SH3TC2: variants seen among roughly 807,000 people sequenced by gnomAD.
The protein encoded by SH3TC2 is SH3 domain and tetratricopeptide repeats 2, also known as SH3 domain and tetratricopeptide repeat-containing protein 2.
Under a neutral mutation model 124.5 loss-of-function variants are expected in SH3TC2, and 87 were observed. That is an observed-to-expected ratio of 0.70 (90% CI 0.59 to 0.84). The LOEUF is 0.84. Ranked by LOEUF, SH3TC2 falls within the 40% of genes least tolerant of loss-of-function variation. The pLI is 0.00. For missense variants in SH3TC2, 1,536 were observed against 1,566.4 expected (o/e 0.98, Z 0.33); for synonymous variants, 634 against 628.5 (o/e 1.01, Z -0.13).
intron 2 of SH3TC2, among the ~76,000 whole-genome samples, chr5:149,048,340 G>T (rs1042881815): frequency 1.3e-5 from 2 of 152,166 alleles, no homozygotes; most frequent in African/African-American, 4.8e-5. Context: ...AATGACTTGT[G>T]AAAGTTTAGA....
rs1260475188 is a variant in SH3TC2, at chr5:149,021,974, C to T, written c.3053+4598G>A. 1.6e-4 allele frequency among the ~76,000 whole-genome samples: 5 copies of T among 31,436 alleles called. 2 individuals carry two copies. Among genetic ancestry groups the T allele is most frequent in the Middle Eastern group, 0.019 (1 of 54 alleles). The allele number at this position is 31,436 out of a possible 152,430, so 20.6% of individuals were successfully genotyped here. A position where few individuals can be genotyped will look rare whatever the true frequency, so the allele number is the denominator to read the frequency against. On this transcript the variant is annotated intron_variant, in intron 12 of 16. Coordinates refer to ENST00000515425, the MANE Select transcript of SH3TC2 (RefSeq NM_024577.4). ...TGTCGCCCAGGCTGGAGTGCAGTGG[C>T]GGGATCTCGGCTCACTGCAAGCTCC...
chr5:149,028,027 C>A lies in SH3TC2; in HGVS notation c.1705G>T (p.Ala569Ser). 6.2e-7 allele frequency: 1 copy of A among 1,614,112 alleles called. No individual in the cohort carries two copies. Among genetic ancestry groups the A allele is most frequent in the Non-Finnish European group, 8.5e-7 (1 of 1,180,042 alleles). ...NGAFEDLSLV[A>S]TLYINLAAIY... The stretch of plus-strand genomic sequence containing the variant: ...GCAGCCAAATTGATGTACAGAGTGG[C>A]CACCAAGGATAGGTCCTCAAATGCT... Residue 569 changes from alanine (A) to serine (S), a missense_variant, in exon 11 of 17, where the codon GCC becomes TCC. By Grantham distance (99) the Ala-to-Ser change is moderately conservative. This residue lies in a region of SH3TC2 where 1,102 missense variants were observed against 1,098.6 expected (regional missense o/e 1.00). Transcript: ENST00000515425.
chr5:149,042,516 G>A lies in SH3TC2; in HGVS notation c.529+178C>T, dbSNP rs17795277. On this transcript the variant is annotated intron_variant, in intron 5 of 16. Transcript: ENST00000515425. ...GTGAGACTGACCAGCACAGCTGTTC[G>A]TGTAATGTCAGTGTTGAACTCAGAG... Among the ~76,000 whole-genome samples the A allele has an allele frequency of 0.13, 19,420 of 152,166 alleles. 1,509 individuals are homozygous for A. Among genetic ancestry groups the A allele is most frequent in the South Asian group, 0.27 (1,313 of 4,820 alleles).
intron 12 of SH3TC2, among the ~76,000 whole-genome samples, chr5:149,015,296 G>A (rs1049340438): frequency 1.3e-5 from 2 of 152,058 alleles, no homozygotes; most frequent in Admixed American, 1.3e-4. Context: ...GTCTAAAACT[G>A]GGCAGTAGTC....
rs1753595720 is a variant in SH3TC2 at position 149,001,441 on chromosome 5, G to C, written c.*3270C>G. The C allele has an allele frequency of 6.6e-6, 1 of 152,038 alleles. No individual in the cohort carries two copies. Among genetic ancestry groups the C allele is most frequent in the African/African-American group, 2.4e-5 (1 of 41,410 alleles). 9.4% of individuals were successfully genotyped at this position (152,038 alleles called of 1,614,324 possible). ...TTTGAGGGAACAATTAGAATAAAGA[G>C]GGTAACTAGATCATGTTTGGCTATG... is the stretch of plus-strand genomic sequence containing the variant. On this transcript the variant is annotated 3_prime_UTR_variant, in exon 17 of 17. Transcript: ENST00000515425.
intron 1 of SH3TC2, among the ~76,000 whole-genome samples, chr5:149,059,572 T>C (rs1754709627): frequency 6.6e-6 from 1 of 151,832 alleles, no homozygotes; most frequent in Non-Finnish European, 1.5e-5. Context: ...ACTTTCTCCT[T>C]GTTGGGACGA....
Position 148,992,599 on chromosome 5 carries a change from GGTT to G in SH3TC2, c.*12109_*12111del, listed in dbSNP as rs1365583993. Among the ~76,000 whole-genome samples, 15 of 64,754 alleles carry G rather than the reference GGTT, an allele frequency of 2.3e-4. No homozygotes were observed. The highest frequency in any genetic ancestry group is 5.0e-4 in the Admixed American group (2 of 3,970). The allele number at this position is 64,754 out of a possible 152,430, so 42.5% of individuals were successfully genotyped here. ...CATAATTCCAAGAAGAGATTTCATT[GGTT>G]TTTTTTTTTTTTTTTTTTTTCAGAT... is the stretch of plus-strand genomic sequence containing the variant. On this transcript the variant is annotated 3_prime_UTR_variant, in exon 17 of 17. Coordinates refer to ENST00000515425, the MANE Select transcript of SH3TC2 (RefSeq NM_024577.4).
At chr5:149,029,980 T>C (rs1345127287) in intron 9 of SH3TC2, among the ~76,000 whole-genome samples, 1 of 152,208 alleles carries the variant, frequency 6.6e-6, no homozygotes, top group Non-Finnish European at 1.5e-5. Context: ...CTTTTCCTGC[T>C]GTTCTCCAGG....
chr5:149,012,578 G>GCCTA lies in SH3TC2; in HGVS notation c.3204+2_3204+5dup. 6.2e-7 allele frequency: 1 copy of GCCTA among 1,614,112 alleles called. No individual in the cohort carries two copies. Among genetic ancestry groups the GCCTA allele is most frequent in the Non-Finnish European group, 8.5e-7 (1 of 1,180,026 alleles). Reference sequence around the variant, plus strand: ...CAACTCCCAGAGAGCTCTGCAGGAGGCCTACCTGCAGGCACAGCTCCACCA... The same window carrying GCCTA: ...CAACTCCCAGAGAGCTCTGCAGGAGGCCTACCTACCTGCAGGCACAGCTCCACCA... On this transcript the variant is annotated splice_donor_region_variant and intron_variant, in intron 13 of 16. Transcript: ENST00000515425.
rs575388110 is a variant in SH3TC2, at chr5:149,010,526, C to A, written c.3205-134G>T. On this transcript the variant is annotated intron_variant, in intron 13 of 16. Coordinates refer to ENST00000515425, the MANE Select transcript of SH3TC2 (RefSeq NM_024577.4). ...AAGTCCCCCAAATCCTAAATGTCTT[C>A]ACACTCCTAGGGCTGGTAAGAGGAC... 7 of 1,213,308 alleles carry A rather than the reference C, an allele frequency of 5.8e-6. No individual in the cohort carries two copies. In the South Asian group the frequency reaches 9.7e-5, roughly 17 times the overall value. The allele number at this position is 1,213,308 out of a possible 1,614,324, so 75.2% of individuals were successfully genotyped here.
chr5:149,033,222 A>AG (rs1228577412), intron 8 of SH3TC2, among the ~76,000 whole-genome samples: 1 of 151,990 alleles, frequency 6.6e-6, no homozygotes, highest in Non-Finnish European at 1.5e-5. Flanking sequence ...CCTGAGTTCC[A>AG]GGACAACTTA....
At chr5:149,033,404 A>C (rs1754231242) in intron 8 of SH3TC2, among the ~76,000 whole-genome samples, 1 of 152,194 alleles carries the variant, frequency 6.6e-6, no homozygotes, top group African/African-American at 2.4e-5. Context: ...TGTAACAAAG[A>C]TGAATATTTT....
chr5:149,053,328 T>A (rs36075), intron 1 of SH3TC2, among the ~76,000 whole-genome samples: 2 of 152,230 alleles, frequency 1.3e-5, no homozygotes, highest in East Asian at 3.9e-4. Context: ...TCTGTGCCTA[T>A]GGAGGGGGAT....
chr5:149,061,216 C>G (rs1339531979), intron 1 of SH3TC2, among the ~76,000 whole-genome samples: 1 of 152,042 alleles, frequency 6.6e-6, no homozygotes, highest in African/African-American at 2.4e-5. Context: ...TGATTTTGAC[C>G]TTTTTCAATA....
intron 9 of SH3TC2, among the ~76,000 whole-genome samples, chr5:149,030,909 T>A (rs1428206759): frequency 6.7e-6 from 1 of 150,156 alleles, no homozygotes; most frequent in African/African-American, 2.5e-5. Context: ...AGTAAGAGTA[T>A]CATTCATTCA....
rs563657946 is a variant in SH3TC2, at chr5:148,996,146, G to A, written c.*8565C>T. ...ACATGCCTGTAGTCCCAGCTACTCG[G>A]GAGGCTGAAGTGGGAGGATCACCCA... On this transcript the variant is annotated 3_prime_UTR_variant, in exon 17 of 17. Coordinates refer to ENST00000515425, the MANE Select transcript of SH3TC2 (RefSeq NM_024577.4). 3.9e-5 allele frequency among the ~76,000 whole-genome samples: 6 copies of A among 152,080 alleles called. No individual in the cohort carries two copies. Among genetic ancestry groups the A allele is most frequent in the African/African-American group, 1.4e-4 (6 of 41,484 alleles).
rs573788673 is a variant in SH3TC2, at chr5:148,996,477, C to G, written c.*8234G>C. Among the ~76,000 whole-genome samples the G allele has an allele frequency of 6.6e-6, 1 of 152,290 alleles. No individual in the cohort carries two copies. ...CACTACAGCCCCAAAGCTACATGTT[C>G]TAGAACAGACAAAAGTTAGTTTTGT... On this transcript the variant is annotated 3_prime_UTR_variant, in exon 17 of 17. Transcript: ENST00000515425.
intron 14 of SH3TC2, among the ~76,000 whole-genome samples, chr5:149,009,945 T>C (rs1753756478): frequency 6.6e-6 from 1 of 152,170 alleles, no homozygotes. Flanking sequence ...TGGGAAACAC[T>C]GGTAAACTCA....
Position 148,985,901 on chromosome 5 carries a change from G to T in SH3TC2, c.*18810C>A, listed in dbSNP as rs566593704. On this transcript the variant is annotated 3_prime_UTR_variant, in exon 17 of 17. Coordinates refer to ENST00000515425, the MANE Select transcript of SH3TC2 (RefSeq NM_024577.4). ...GGCCCACTATCATATCTCCATTAGG[G>T]CTCAAAAGACTTCATGTCTGTGCTG... Among the ~76,000 whole-genome samples the T allele has an allele frequency of 6.6e-6, 1 of 152,090 alleles. No homozygotes were observed. Among genetic ancestry groups the T allele is most frequent in the South Asian group, 2.1e-4 (1 of 4,828 alleles).
Sources: allele counts gnomAD v4.1 joint callset (sites outside exome capture counted in the v4.1 genomes callset), GRCh38; gene constraint gnomAD v4.1.1; regional missense constraint gnomAD v4.1.1; transcripts MANE v1.5; gene names NCBI Gene and HGNC (gene_info 2026-07-23, HGNC 2026-07-21).